The following MDN1 variants were observed in gnomAD, a reference collection of about 807,000 sequenced individuals.
MDN1 encodes midasin.
A neutral mutation model predicts 669.2 loss-of-function variants in MDN1; 266 were observed. That is an observed-to-expected ratio of 0.40 (90% CI 0.36 to 0.44). MDN1 has a LOEUF of 0.44. MDN1 is among the 20% of genes least tolerant of loss of function. The pLI is 1.00. For missense variants in MDN1, 5,940 were observed against 6,754.0 expected (o/e 0.88, Z 4.22); for synonymous variants, 2,385 against 2,457.1 (o/e 0.97, Z 0.87).
rs184120014 is a variant in MDN1, at chr6:89,771,537, A to G, written c.2144+24T>C. On this transcript the variant is annotated intron_variant, in intron 15 of 101. Transcript: ENST00000369393. ...CTCAAGCAATAAACACAAAAATAAG[A>G]AAAAAATTTTAAGCCACACTTACCC... is the stretch of plus-strand genomic sequence containing the variant. The G allele has an allele frequency of 3.2e-4, 503 of 1,596,728 alleles. 4 individuals carry two copies. In the East Asian group the frequency reaches 8.9e-3, roughly 28 times the overall value.
chr6:89,815,194 G>A (rs1048120087), intron 1 of MDN1: 19 of 386,046 alleles, frequency 4.9e-5, no homozygotes, highest in African/African-American at 2.5e-4. Context: ...TACCCTCTAC[G>A]GCAGTGGAGG....
Position 89,674,241 on chromosome 6 carries a change from A to T in MDN1, c.13110T>A (p.Gly4370=), listed in dbSNP as rs1811029282. 1 of 1,614,122 alleles carries T rather than the reference A, an allele frequency of 6.2e-7. No individual in the cohort carries two copies. The highest frequency in any genetic ancestry group is 1.1e-5 in the South Asian group (1 of 91,090). The change falls in exon 79 of 102, where the codon GGT becomes GGA. Residue 4370 remains glycine (G), a synonymous_variant. Transcript: ENST00000369393. The part of the protein sequence containing the change: ...SPIPGSQLPS[G]CRMRKQDHLW... ...GGTGATCCTGTTTCCGCATCCGGCA[A>T]CCAGAGGGCAGCTGACTTCCAGGTA...
intron 53 of MDN1, among the ~76,000 whole-genome samples, chr6:89,704,774 G>A (rs1367942921): frequency 1.3e-5 from 2 of 152,140 alleles, no homozygotes; most frequent in Non-Finnish European, 2.9e-5. Context: ...TAGAGATGGG[G>A]TTTCACCGTG....
chr6:89,664,708 T>G, intron 84 of MDN1, 80 bp from the exon 85 acceptor site: 3 of 1,129,568 alleles, frequency 2.7e-6, no homozygotes, highest in Non-Finnish European at 3.8e-6. Flanking sequence ...ATGCCAAGGT[T>G]AATGGTGTAA....
At chr6:89,770,342 T>C (rs1049237737) in intron 15 of MDN1, among the ~76,000 whole-genome samples, 28 of 149,902 alleles carry the variant, frequency 1.9e-4, no homozygotes, top group Middle Eastern at 3.5e-3. Flanking sequence ...AGCCGGAGGT[T>C]GCAGTGAGCA....
intron 94 of MDN1, among the ~76,000 whole-genome samples, 190 bp from the exon 95 acceptor site, chr6:89,652,471 G>A (rs1808946051): frequency 6.6e-6 from 1 of 152,138 alleles, no homozygotes; most frequent in Non-Finnish European, 1.5e-5. Flanking sequence ...TTCCCTCTTA[G>A]AGAGACAATA....
intron 47 of MDN1, 97 bp from the exon 48 acceptor site, chr6:89,712,883 A>G: frequency 9.0e-7 from 1 of 1,107,436 alleles, no homozygotes; most frequent in Non-Finnish European, 1.3e-6. Context: ...ACCACCTCAC[A>G]ACAACTTTTA....
chr6:89,685,779 C>T, intron 70 of MDN1, 48 bp downstream of exon 70: 1 of 1,593,082 alleles, frequency 6.3e-7, no homozygotes, highest in Non-Finnish European at 8.5e-7. Flanking sequence ...CAAAGCCTAA[C>T]TCATTTTAGT....
chr6:89,678,908 T>A (rs868050835), intron 74 of MDN1, among the ~76,000 whole-genome samples, 163 bp from the exon 75 acceptor site: 14 of 152,194 alleles, frequency 9.2e-5, no homozygotes, highest in Admixed American at 2.0e-4. Context: ...TTTGGTAAAA[T>A]CTCATTAAGT....
rs1393955813 is a variant in MDN1 at position 89,699,613 on chromosome 6, C to G, written c.8985G>C (p.Leu2995=). The change falls in exon 58 of 102, where the codon CTG becomes CTC. Residue 2995 remains leucine (L), a synonymous_variant. Coordinates refer to ENST00000369393, the MANE Select transcript of MDN1 (RefSeq NM_014611.3). ...PQELRDLWSL[L]HHQKVSPEEI... ...TTGTGATTTTTACCTTCTGATGATGCAGCAAGGACCACAGATCTCGAAGCT... is the reference window on the plus strand; with the variant it reads ...TTGTGATTTTTACCTTCTGATGATGGAGCAAGGACCACAGATCTCGAAGCT... The G allele has an allele frequency of 6.2e-7, 1 of 1,612,420 alleles. No individual in the cohort carries two copies. Among genetic ancestry groups the G allele is most frequent in the Non-Finnish European group, 8.5e-7 (1 of 1,179,250 alleles).
rs190713804 is a variant in MDN1 at position 89,758,711 on chromosome 6, T to C, written c.2605+105A>G. The C allele has an allele frequency of 3.1e-5, 38 of 1,226,704 alleles. No homozygotes were observed. In the East Asian group the frequency reaches 3.5e-4, roughly 11 times the overall value. The allele number at this position is 1,226,704 out of a possible 1,614,324, so 76.0% of individuals were successfully genotyped here. ...ATATCTAAAGAATGAACAAATTCCATTGGGAGGCCCATGTCATCCTTCTAA... is the reference window on the plus strand; with the variant it reads ...ATATCTAAAGAATGAACAAATTCCACTGGGAGGCCCATGTCATCCTTCTAA... On this transcript the variant is annotated intron_variant, in intron 18 of 101. Transcript: ENST00000369393.
At chr6:89,703,369 AG>A (rs113306279) in intron 53 of MDN1, among the ~76,000 whole-genome samples, 27,646 of 135,708 alleles carry the variant, frequency 0.2, 2,721 homozygotes, top group East Asian at 0.26. Context: ...TGTATGGGGA[AG>A]GGGGGGGGGT....
At chr6:89,644,301 T>G (rs1808338148) in intron 101 of MDN1, 108 bp from the exon 102 acceptor site, 2 of 871,396 alleles carry the variant, frequency 2.3e-6, no homozygotes, top group Non-Finnish European at 3.4e-6. Flanking sequence ...TGTGTCTTAT[T>G]CCTGCATATG....
At chr6:89,644,314 C>CCTA in intron 101 of MDN1, 121 bp from the exon 102 acceptor site, 1 of 754,632 alleles carries the variant, frequency 1.3e-6, no homozygotes, top group Admixed American at 3.2e-5. Flanking sequence ...TGCATATGAA[C>CCTA]CTACCTTTTA....
At position 89,750,440 on chromosome 6, in the gene MDN1, C is replaced by A; in HGVS notation, c.3320G>T (p.Arg1107Leu). The A allele has an allele frequency of 6.2e-7, 1 of 1,613,980 alleles. No individual in the cohort carries two copies. Among genetic ancestry groups the A allele is most frequent in the Non-Finnish European group, 8.5e-7 (1 of 1,179,860 alleles). The change falls in exon 24 of 102, where the codon CGT becomes CTT. Residue 1107 changes from arginine to leucine, a missense_variant. Around this residue, in one of 5 missense-constraint regions of MDN1, gnomAD observed 2,292 missense variants for 2,638.3 expected, o/e 0.87. Transcript: ENST00000369393. ...LAAATGNHCV[R>L]INNHEHTDIQ... ...ATCCGTGTGTTCGTGATTATTAATA[C>A]GCACACAGTGGTTGCCAGTAGCTGC...
chr6:89,661,875 G>T (rs909546740), intron 87 of MDN1, among the ~76,000 whole-genome samples: 1 of 152,160 alleles, frequency 6.6e-6, no homozygotes, highest in African/African-American at 2.4e-5. Flanking sequence ...TCTATAGCAT[G>T]AGCCCAGACA....
Position 89,758,361 on chromosome 6 carries a change from G to A in MDN1, c.2606-10C>T, listed in dbSNP as rs748855733. ...TGCCGAACCAGTGGCTCTGTTAAGA[G>A]AAAATTACAAATTCTCAACAAAGGT... On this transcript the variant is annotated splice_polypyrimidine_tract_variant and intron_variant, in intron 18 of 101. Transcript: ENST00000369393. The A allele has an allele frequency of 3.8e-6, 6 of 1,591,106 alleles. No individual in the cohort carries two copies. Among genetic ancestry groups the A allele is most frequent in the Admixed American group, 1.7e-5 (1 of 57,732 alleles).
At chr6:89,644,345 T>G (rs1808341222) in intron 101 of MDN1, 152 bp from the exon 102 acceptor site, 2 of 619,370 alleles carry the variant, frequency 3.2e-6, no homozygotes, top group Non-Finnish European at 5.3e-6. Flanking sequence ...AAAGAGAATT[T>G]TCAGAACTCT....
intron 2 of MDN1, among the ~76,000 whole-genome samples, chr6:89,798,225 T>TGAA (rs1819717638): frequency 7.8e-6 from 1 of 128,826 alleles, no homozygotes; most frequent in East Asian, 2.4e-4. Flanking sequence ...AGTTAAAAAG[T>TGAA]GAAGTAGGCC....
Sources: gnomAD v4.1 joint callset for allele counts (sites outside exome capture counted in the v4.1 genomes callset) on GRCh38, gnomAD v4.1.1 for gene constraint, gnomAD v4.1.1 regional missense constraint, MANE v1.5 for transcripts, NCBI Gene and HGNC (gene_info 2026-07-23, HGNC 2026-07-21) for gene names.